Variants in C19orf18 observed in about 807,000 individuals in gnomAD.
C19orf18 encodes the protein chromosome 19 open reading frame 18.
C19orf18 carries 21 observed loss-of-function variants against 23.3 expected under a neutral mutation model. The observed-to-expected ratio is 0.90, with a 90% confidence interval of 0.64 to 1.30. The LOEUF (loss-of-function observed/expected upper bound fraction) is 1.30, where lower values mean the gene tolerates loss of function less well. C19orf18 is among the 50% of genes most tolerant of loss of function. The probability of loss-of-function intolerance (pLI) is 0.00; values close to 1 mark genes in which losing one functional copy is unlikely to be tolerated. For missense variants in C19orf18, 249 were observed against 259.6 expected, an observed-to-expected ratio of 0.96 and a Z score of 0.28; for synonymous variants, 96 against 95.2, an observed-to-expected ratio of 1.01 and a Z score of -0.05.
chr19:57,960,103 T>C (rs1009996445), intron 5 of C19orf18, among the ~76,000 whole-genome samples: 29 of 133,094 alleles, frequency 2.2e-4, no homozygotes, highest in African/African-American at 8.4e-4. Context: ...AGGGAGACTC[T>C]GTCTCAAAAA....
At chr19:57,971,340 T>A (rs1391515119) in intron 3 of C19orf18, among the ~76,000 whole-genome samples, 1 of 151,534 alleles carries the variant, frequency 6.6e-6, no homozygotes, top group Non-Finnish European at 1.5e-5. Context: ...CAGGCCACCA[T>A]CCCCTGCCCC....
chr19:57,965,603 G>C (rs1334823564), intron 4 of C19orf18, among the ~76,000 whole-genome samples: 1 of 152,070 alleles, frequency 6.6e-6, no homozygotes, highest in African/African-American at 2.4e-5. Context: ...AAATTAGCCT[G>C]GCATGGTGGC....
chr19:57,967,625 G>C (rs373995850), intron 3 of C19orf18, among the ~76,000 whole-genome samples: 11 of 152,150 alleles, frequency 7.2e-5, no homozygotes, highest in Non-Finnish European at 1.0e-4. Flanking sequence ...GGTGGCAGGT[G>C]CCTGTAATCC....
At chr19:57,961,355 G>T (rs1047215061) in intron 5 of C19orf18, 36 bp downstream of exon 5, 1 of 1,539,850 alleles carries the variant, frequency 6.5e-7, no homozygotes. Flanking sequence ...CTGCCAGCTT[G>T]GCTTTCCTGC....
At chr19:57,964,140 T>C (rs2072892771) in intron 4 of C19orf18, among the ~76,000 whole-genome samples, 1 of 152,160 alleles carries the variant, frequency 6.6e-6, no homozygotes, top group Admixed American at 6.5e-5. Flanking sequence ...CTAATACAAA[T>C]GTGAAAACAA....
At chr19:57,960,905 C>T (rs551897710) in intron 5 of C19orf18, among the ~76,000 whole-genome samples, 10 of 152,140 alleles carry the variant, frequency 6.6e-5, no homozygotes, top group African/African-American at 1.4e-4. Context: ...ACAGGCCAGG[C>T]GCGGTGGCTC....
At chr19:57,963,269 C>A (rs369017060) in intron 4 of C19orf18, among the ~76,000 whole-genome samples, 11 of 151,898 alleles carry the variant, frequency 7.2e-5, no homozygotes, top group African/African-American at 2.4e-4. Context: ...CCTCAGGTGA[C>A]CCGCCCACCT....
At position 57,974,176 on chromosome 19, in the gene C19orf18, T is replaced by C. The variant is rs756345752; in HGVS notation, c.149A>G (p.Asn50Ser). 5.7e-5 allele frequency: 92 copies of C among 1,614,058 alleles called. No homozygotes were observed. Among genetic ancestry groups the C allele is most frequent in the Admixed American group, 1.8e-4 (11 of 60,010 alleles). ...GAACACTTTGGGCTCTTTGGTGATG[T>C]TTCTGGGTGGTTGTGACCGTTTACT... ...PGSKRSQPPR[N>S]ITKEPKVFFH... is the part of the protein sequence containing the mutation. The change falls in exon 2 of 6, where the codon AAC becomes AGC. Residue 50 changes from asparagine to serine, a missense_variant. Physicochemically the swap from Asn to Ser is conservative, Grantham distance 46. Coordinates refer to ENST00000314391, the MANE Select transcript of C19orf18 (RefSeq NM_152474.5).
At chr19:57,963,032 T>TA (rs59333038) in intron 4 of C19orf18, among the ~76,000 whole-genome samples, 26,590 of 150,796 alleles carry the variant, frequency 0.18, 2,504 homozygotes, top group African/African-American at 0.25. Flanking sequence ...TCAATTTTTT[T>TA]TTTTTTTTTT....
chr19:57,969,566 G>GAAAAAA (rs59100128), intron 3 of C19orf18, among the ~76,000 whole-genome samples: 75 of 46,504 alleles, frequency 1.6e-3, no homozygotes, highest in African/African-American at 4.7e-3. Context: ...AAAAAAAACA[G>GAAAAAA]AAAAAAAAAA....
intron 3 of C19orf18, among the ~76,000 whole-genome samples, chr19:57,967,258 T>C (rs561088241): frequency 6.6e-6 from 1 of 152,138 alleles, no homozygotes; most frequent in Non-Finnish European, 1.5e-5. Context: ...AAAATTATTT[T>C]GGGGAACTTT....
At chr19:57,963,829 GC>G (rs1222460408) in intron 4 of C19orf18, among the ~76,000 whole-genome samples, 1 of 152,140 alleles carries the variant, frequency 6.6e-6, no homozygotes, top group African/African-American at 2.4e-5. Context: ...GGCGGGGCTT[GC>G]AGTGAGCTGA....
chr19:57,971,643 G>T (rs537214844), intron 3 of C19orf18, among the ~76,000 whole-genome samples: 4 of 152,166 alleles, frequency 2.6e-5, no homozygotes, highest in African/African-American at 9.6e-5. Context: ...GCTAATTTTT[G>T]TATTTTTAGT....
At chr19:57,961,997 T>C (rs2072876599) in intron 4 of C19orf18, among the ~76,000 whole-genome samples, 1 of 150,896 alleles carries the variant, frequency 6.6e-6, no homozygotes, top group Non-Finnish European at 1.5e-5. Context: ...TCTCTTTCCC[T>C]TTCTCTCTCT....
intron 2 of C19orf18, 74 bp downstream of exon 2, chr19:57,974,025 C>T: frequency 7.1e-7 from 1 of 1,406,386 alleles, no homozygotes; most frequent in Admixed American, 1.7e-5. Context: ...GCACACAGTA[C>T]ACATTCACAT....
At chr19:57,958,762 A>T (rs1231422148) in intron 5 of C19orf18, 45 bp from the exon 6 acceptor site, 3 of 1,146,374 alleles carry the variant, frequency 2.6e-6, no homozygotes, top group Non-Finnish European at 3.7e-6. Context: ...TAAGTGAGGA[A>T]TAAAAATGGA....
At chr19:57,966,126 C>G (rs1297625428) in intron 4 of C19orf18, among the ~76,000 whole-genome samples, 1 of 151,910 alleles carries the variant, frequency 6.6e-6, no homozygotes, top group African/African-American at 2.4e-5. Flanking sequence ...TACAGGCACC[C>G]GCCACCACGC....
At chr19:57,959,096 G>C (rs1445862018) in intron 5 of C19orf18, among the ~76,000 whole-genome samples, 1 of 152,186 alleles carries the variant, frequency 6.6e-6, no homozygotes, top group East Asian at 1.9e-4. Context: ...GGAGTTTTTA[G>C]AGAGTGAGTC....
Position 57,966,168 on chromosome 19 carries a change from G to A in C19orf18, c.371+362C>T, listed in dbSNP as rs552808570. Among the ~76,000 whole-genome samples, 689 of 151,992 alleles carry A rather than the reference G, an allele frequency of 4.5e-3. 2 individuals are homozygous for A. The highest frequency in any genetic ancestry group is 7.3e-3 in the Non-Finnish European group (493 of 67,966). On this transcript the variant is annotated intron_variant, in intron 4 of 5. Transcript: ENST00000314391. ...AATTTTTTGTATTTTTAGTAGATACGGGGTTTCACCGTGTTAGCCAGGATG... is the reference window on the plus strand; with the variant it reads ...AATTTTTTGTATTTTTAGTAGATACAGGGTTTCACCGTGTTAGCCAGGATG...
Sources: allele counts gnomAD v4.1 joint callset (sites outside exome capture counted in the v4.1 genomes callset), GRCh38; gene constraint gnomAD v4.1.1; transcripts MANE v1.5; gene names NCBI Gene and HGNC (gene_info 2026-07-23, HGNC 2026-07-21).